Variants in BBS9 observed in about 807,000 individuals in gnomAD.
BBS9 encodes the protein protein PTHB1.
BBS9 carries 89 observed loss-of-function variants against 117.7 expected under a neutral mutation model. That is an observed-to-expected ratio of 0.76 (90% CI 0.64 to 0.90). The LOEUF (loss-of-function observed/expected upper bound fraction) is 0.90, where lower values mean the gene tolerates loss of function less well. Among genes scored for constraint, BBS9 ranks in the 40% least tolerant of loss-of-function variants. The pLI is 0.00. For missense variants in BBS9, 982 were observed against 1,042.2 expected (o/e 0.94, Z 0.80); for synonymous variants, 379 against 370.9 (o/e 1.02, Z -0.25).
intron 21 of BBS9, among the ~76,000 whole-genome samples, chr7:33,582,927 C>G (rs1427277818): frequency 6.6e-6 from 1 of 152,084 alleles, no homozygotes; most frequent in East Asian, 1.9e-4. Context: ...AGAGGACCAG[C>G]CTTTGGAACA....
rs1379982382 is a variant in BBS9 at position 33,387,980 on chromosome 7, T to A, written c.1963-12T>A. The A allele has an allele frequency of 1.2e-6, 2 of 1,613,534 alleles. No individual in the cohort carries two copies. Among genetic ancestry groups the A allele is most frequent in the South Asian group, 2.2e-5 (2 of 91,058 alleles). ...TCCATTTAATCTCAATTTAAGAAATTATTCATTGCAGCTACGGATAAATGG... is the reference window on the plus strand; with the variant it reads ...TCCATTTAATCTCAATTTAAGAAATAATTCATTGCAGCTACGGATAAATGG... On this transcript the variant is annotated splice_polypyrimidine_tract_variant and intron_variant, in intron 18 of 22. Transcript: ENST00000242067.
intron 9 of BBS9, among the ~76,000 whole-genome samples, chr7:33,319,407 A>G (rs1056105990): frequency 6.6e-6 from 1 of 152,184 alleles, no homozygotes; most frequent in African/African-American, 2.4e-5. Context: ...CTGGGTAGAT[A>G]CCTAGTAGTG....
chr7:33,220,221 T>C (rs911329331), intron 5 of BBS9, among the ~76,000 whole-genome samples: 1 of 152,116 alleles, frequency 6.6e-6, no homozygotes, highest in African/African-American at 2.4e-5. Context: ...TTCACACTTA[T>C]ATTGCCTCAC....
chr7:33,232,690 A>G (rs1792714293), intron 5 of BBS9, among the ~76,000 whole-genome samples: 4 of 152,144 alleles, frequency 2.6e-5, no homozygotes, highest in Non-Finnish European at 5.9e-5. Flanking sequence ...ACTTCCTCAT[A>G]TGTGTGTAAA....
chr7:33,287,815 G>C (rs1004378668), intron 9 of BBS9, among the ~76,000 whole-genome samples: 5 of 152,280 alleles, frequency 3.3e-5, no homozygotes, highest in Admixed American at 1.3e-4. Flanking sequence ...ATTAATTTAA[G>C]GTTAAAATGT....
intron 5 of BBS9, among the ~76,000 whole-genome samples, chr7:33,184,240 G>A (rs1435820338): frequency 2.0e-5 from 3 of 152,142 alleles, no homozygotes; most frequent in South Asian, 2.1e-4. Context: ...ACAAAGTTCA[G>A]GTGGTTGCTT....
chr7:33,539,501 G>A (rs570334053), intron 21 of BBS9, among the ~76,000 whole-genome samples: 3 of 152,298 alleles, frequency 2.0e-5, no homozygotes, highest in Middle Eastern at 3.4e-3. Flanking sequence ...GAAAGAGTGT[G>A]TAACATTTGC....
chr7:33,381,108 G>A (rs1008815277), intron 17 of BBS9, among the ~76,000 whole-genome samples: 17 of 152,196 alleles, frequency 1.1e-4, no homozygotes, highest in African/African-American at 4.1e-4. Context: ...AGGCAGCCAT[G>A]AGCATCTATC....
rs549893768 is a variant in BBS9 at position 33,509,136 on chromosome 7, G to A, written c.2298+3491G>A. On this transcript the variant is annotated intron_variant, in intron 20 of 22. Coordinates refer to ENST00000242067, the MANE Select transcript of BBS9 (RefSeq NM_198428.3). ...ACATTTGATAAAAACATAACTTGGA[G>A]AAGAATGAATCAAAAAAGACATTTT... is the stretch of plus-strand genomic sequence containing the variant. Among the ~76,000 whole-genome samples the A allele has an allele frequency of 1.6e-4, 24 of 152,288 alleles. No individual in the cohort carries two copies. In the South Asian group the frequency reaches 5.0e-3, roughly 32 times the overall value.
intron 1 of BBS9, among the ~76,000 whole-genome samples, chr7:33,136,576 A>G (rs971594527): frequency 2.0e-5 from 3 of 152,192 alleles, no homozygotes; most frequent in African/African-American, 7.2e-5. Flanking sequence ...AGTTGGATTT[A>G]TGGAGGTGAT....
At chr7:33,518,570 GA>G (rs1848160293) in intron 20 of BBS9, among the ~76,000 whole-genome samples, 1 of 152,018 alleles carries the variant, frequency 6.6e-6, no homozygotes, top group Non-Finnish European at 1.5e-5. Context: ...ATTATCACTT[GA>G]GTGTCAGCTA....
chr7:33,614,641 G>A (rs760714655), intron 21 of BBS9, among the ~76,000 whole-genome samples: 13 of 152,024 alleles, frequency 8.6e-5, no homozygotes, highest in East Asian at 5.8e-4. Flanking sequence ...TAGTATCAGC[G>A]CAAGAAAACC....
intron 21 of BBS9, among the ~76,000 whole-genome samples, chr7:33,554,466 G>A (rs1196208496): frequency 6.6e-6 from 1 of 152,132 alleles, no homozygotes; most frequent in Non-Finnish European, 1.5e-5. Context: ...ACAGAGCTTG[G>A]TGCTGGATTG....
chr7:33,310,825 A>T (rs1265727397), intron 9 of BBS9, among the ~76,000 whole-genome samples: 1 of 152,240 alleles, frequency 6.6e-6, no homozygotes, highest in Non-Finnish European at 1.5e-5. Context: ...TAATTAATTC[A>T]GCAAGTGCTT....
intron 19 of BBS9, among the ~76,000 whole-genome samples, chr7:33,502,505 T>C (rs79281912): frequency 0.011 from 1,692 of 152,284 alleles, 30 homozygotes; most frequent in African/African-American, 0.038. Flanking sequence ...GAATGTTGAG[T>C]ATTTATTACC....
chr7:33,302,874 T>G (rs1163076603), intron 9 of BBS9, among the ~76,000 whole-genome samples: 1 of 152,210 alleles, frequency 6.6e-6, no homozygotes, highest in Non-Finnish European at 1.5e-5. Flanking sequence ...TTGGGTAGTA[T>G]GGACATTTTA....
At chr7:33,182,073 C>G (rs1050600667) in intron 5 of BBS9, among the ~76,000 whole-genome samples, 1 of 151,742 alleles carries the variant, frequency 6.6e-6, no homozygotes, top group Non-Finnish European at 1.5e-5. Flanking sequence ...GGTGACAGAG[C>G]GAGACTCCGT....
intron 21 of BBS9, among the ~76,000 whole-genome samples, chr7:33,536,474 A>G (rs1378371127): frequency 6.6e-6 from 1 of 152,186 alleles, no homozygotes; most frequent in Non-Finnish European, 1.5e-5. Context: ...AGAGACATGT[A>G]GAATTATTGC....
At chr7:33,524,333 C>A (rs991150521) in intron 20 of BBS9, among the ~76,000 whole-genome samples, 18 of 152,122 alleles carry the variant, frequency 1.2e-4, no homozygotes, top group African/African-American at 4.3e-4. Context: ...GGTACCAGTT[C>A]CTCCTTGTAC....
Sources: gnomAD v4.1 joint callset for allele counts (sites outside exome capture counted in the v4.1 genomes callset) on GRCh38, gnomAD v4.1.1 for gene constraint, MANE v1.5 for transcripts, NCBI Gene and HGNC (gene_info 2026-07-23, HGNC 2026-07-21) for gene names.